TSHR: variants seen among roughly 807,000 people sequenced by gnomAD.
TSHR encodes the protein thyroid stimulating hormone receptor, also known as thyrotropin receptor.
A neutral mutation model predicts 64.1 loss-of-function variants in TSHR; 51 were observed. The observed-to-expected ratio is 0.80, with a 90% CI of 0.64 to 1.01. The LOEUF (loss-of-function observed/expected upper bound fraction) is 1.01, where lower values mean the gene tolerates loss of function less well. Among genes scored for constraint, TSHR ranks in the 50% least tolerant of loss-of-function variants. The pLI is 0.00. For missense variants in TSHR, 877 were observed against 942.8 expected, an observed-to-expected ratio of 0.93 and a Z score of 0.91; for synonymous variants, 361 against 361.9, an observed-to-expected ratio of 1.00 and a Z score of 0.03.
rs573566372 is a variant in TSHR, at chr14:81,015,755, C to T, written c.171-46393C>T. Among the ~76,000 whole-genome samples the T allele has an allele frequency of 7.2e-5, 11 of 152,162 alleles. No homozygotes were observed. In the East Asian group the frequency reaches 1.9e-3, roughly 27 times the overall value. The stretch of plus-strand genomic sequence containing the variant: ...CTCCTGTCTAACCGAAATTTTGTAT[C>T]CTTTCACCAACATTTCCCCAACCCC... On this transcript the variant is annotated intron_variant, in intron 1 of 9. Coordinates refer to ENST00000298171, the MANE Select transcript of TSHR (RefSeq NM_000369.5).
intron 1 of TSHR, among the ~76,000 whole-genome samples, chr14:81,043,234 C>A (rs1281961041): frequency 6.6e-6 from 1 of 152,128 alleles, no homozygotes; most frequent in Non-Finnish European, 1.5e-5. Flanking sequence ...GCAACTTCAG[C>A]AAATTCTCAG....
intron 1 of TSHR, among the ~76,000 whole-genome samples, chr14:81,009,360 T>G (rs571027644): frequency 3.9e-5 from 6 of 152,204 alleles, no homozygotes; most frequent in Admixed American, 2.6e-4. Context: ...TTCTTTATTA[T>G]GGAATATTTA....
At chr14:81,085,047 T>G (rs1347346432) in intron 3 of TSHR, among the ~76,000 whole-genome samples, 1 of 152,194 alleles carries the variant, frequency 6.6e-6, no homozygotes, top group Non-Finnish European at 1.5e-5. Flanking sequence ...CTGCAACCTC[T>G]GCCTCCTGCG....
intron 3 of TSHR, among the ~76,000 whole-genome samples, chr14:81,075,889 C>A (rs1887464890): frequency 6.6e-6 from 1 of 151,974 alleles, no homozygotes; most frequent in Admixed American, 6.5e-5. Flanking sequence ...AGACTTGGAA[C>A]CAACCCAAAT....
intron 1 of TSHR, among the ~76,000 whole-genome samples, chr14:81,025,980 A>G (rs778505982): frequency 2.0e-5 from 3 of 152,190 alleles, no homozygotes; most frequent in Non-Finnish European, 4.4e-5. Flanking sequence ...ATCAAGGGGT[A>G]AGACATGATA....
chr14:80,983,041 G>T, intron 1 of TSHR: 1 of 546,446 alleles, frequency 1.8e-6, no homozygotes, highest in Non-Finnish European at 3.3e-6. Flanking sequence ...TATCCATAAC[G>T]TTCACCCATT....
In TSHR at chr14:81,075,490, CT is replaced by C. The variant is rs375931450; in HGVS notation, c.317+7171del. 1.2e-3 allele frequency among the ~76,000 whole-genome samples: 183 copies of C among 151,546 alleles called. 3 individuals carry two copies. In the East Asian group the frequency reaches 0.026, roughly 22 times the overall value. ...ACAGTTAAACCTGTGACCATGGCAT[CT>C]TTTTTTTTCTTTTATTATTATACTT... On this transcript the variant is annotated intron_variant, in intron 3 of 9. Coordinates refer to ENST00000298171, the MANE Select transcript of TSHR (RefSeq NM_000369.5).
In TSHR at chr14:81,028,621, C is replaced by T. The variant is rs527933914; in HGVS notation, c.171-33527C>T. ...TTACGGTAATATAAGATTGCTAGTT[C>T]CCCTAACCAACTGCCATGAGCAAAT... On this transcript the variant is annotated intron_variant, in intron 1 of 9. Coordinates refer to ENST00000298171, the MANE Select transcript of TSHR (RefSeq NM_000369.5). Among the ~76,000 whole-genome samples, 40 of 152,080 alleles carry T rather than the reference C, an allele frequency of 2.6e-4. 2 individuals are homozygous for T. In the South Asian group the frequency reaches 7.9e-3, roughly 30 times the overall value.
chr14:81,137,738 C>G (rs1452916002), intron 8 of TSHR, among the ~76,000 whole-genome samples: 1 of 152,226 alleles, frequency 6.6e-6, no homozygotes, highest in African/African-American at 2.4e-5. Flanking sequence ...TTTTGTCACG[C>G]AGTAACTGAA....
chr14:81,143,060 TGTTGGGTACAAGGAAAA>T lies in TSHR; in HGVS notation c.1005_1021del (p.Gly336GlnfsTer7). On this transcript the variant is annotated frameshift_variant, in exon 10 of 10. Coordinates refer to ENST00000298171, the MANE Select transcript of TSHR (RefSeq NM_000369.5). LOFTEE classifies it high-confidence loss of function. The stretch of plus-strand genomic sequence containing the variant: ...ATGAAGAGAATCTGGGTGACAGCAT[TGTTGGGTACAAGGAAAA>T]GTCCAAGTTCCAGGATACTCATAAC... 1 of 1,614,132 alleles carries T rather than the reference TGTTGGGTACAAGGAAAA, an allele frequency of 6.2e-7. No homozygotes were observed. Among genetic ancestry groups the T allele is most frequent in the East Asian group, 2.2e-5 (1 of 44,872 alleles).
At chr14:81,084,120 G>T (rs551319291) in intron 3 of TSHR, among the ~76,000 whole-genome samples, 1 of 152,300 alleles carries the variant, frequency 6.6e-6, no homozygotes, top group Non-Finnish European at 1.5e-5. Context: ...TTCAAGATGA[G>T]ATTTGGGTGG....
intron 1 of TSHR, chr14:81,001,403 A>G (rs1889309377): frequency 2.4e-6 from 1 of 420,482 alleles, no homozygotes; most frequent in Non-Finnish European, 4.7e-6. Flanking sequence ...TAATCCGACC[A>G]TGAGCTCTAT....
chr14:81,036,557 T>C lies in TSHR; in HGVS notation c.171-25591T>C, dbSNP rs1353645853. 2.0e-5 allele frequency among the ~76,000 whole-genome samples: 3 copies of C among 152,168 alleles called. No individual in the cohort carries two copies. In the East Asian group the frequency reaches 5.8e-4, roughly 29 times the overall value. ...GTTTCTAGGCAAGAGAAAGCTGAGG[T>C]AATCCATCACTGCTAGACCAGCCAT... is the stretch of plus-strand genomic sequence containing the variant. On this transcript the variant is annotated intron_variant, in intron 1 of 9. Coordinates refer to ENST00000298171, the MANE Select transcript of TSHR (RefSeq NM_000369.5).
At chr14:81,046,870 CT>C (rs1224810865) in intron 1 of TSHR, among the ~76,000 whole-genome samples, 3 of 152,104 alleles carry the variant, frequency 2.0e-5, no homozygotes, top group Admixed American at 2.0e-4. Flanking sequence ...GGGAAACAGG[CT>C]TATTGTCAGA....
chr14:81,111,751 T>C (rs1416900718), intron 8 of TSHR, among the ~76,000 whole-genome samples: 1 of 152,198 alleles, frequency 6.6e-6, no homozygotes, highest in Non-Finnish European at 1.5e-5. Context: ...GAGGGCAGAA[T>C]TGTATTTCCA....
At chr14:81,094,453 C>T (rs1192436019) in intron 6 of TSHR, 1 of 152,100 alleles carries the variant, frequency 6.6e-6, no homozygotes, top group African/African-American at 2.4e-5. Context: ...ATTTACTTAT[C>T]CACAGAGTTT....
chr14:81,019,306 C>T (rs1217728021), intron 1 of TSHR, among the ~76,000 whole-genome samples: 1 of 149,404 alleles, frequency 6.7e-6, no homozygotes, highest in South Asian at 2.1e-4. Flanking sequence ...TGCACTTCAG[C>T]CTGGGTGACA....
At chr14:81,088,121 G>T in intron 4 of TSHR, 93 bp downstream of exon 4, 6 of 1,035,410 alleles carry the variant, frequency 5.8e-6, no homozygotes, top group Non-Finnish European at 9.1e-6. Flanking sequence ...AGATGATGTG[G>T]TCCAGGTTCA....
intron 1 of TSHR, chr14:80,983,610 G>T: frequency 1.0e-6 from 1 of 957,144 alleles, no homozygotes; most frequent in South Asian, 1.8e-5. Context: ...CATTCTCAGG[G>T]AAGTTAAAGG....
Sources: gnomAD v4.1 joint callset for allele counts (sites outside exome capture counted in the v4.1 genomes callset) on GRCh38, gnomAD v4.1.1 for gene constraint, MANE v1.5 for transcripts, NCBI Gene and HGNC (gene_info 2026-07-23, HGNC 2026-07-21) for gene names.